The following PAPPA variants were observed in gnomAD, a reference collection of about 807,000 sequenced individuals.
PAPPA encodes pappalysin-1.
Under a neutral mutation model 164.0 loss-of-function variants are expected in PAPPA, and 60 were observed. The observed-to-expected ratio is 0.37, with a 90% CI of 0.30 to 0.45. The LOEUF (loss-of-function observed/expected upper bound fraction) is 0.45. Among genes scored for constraint, PAPPA ranks in the 20% least tolerant of loss-of-function variants. The probability of loss-of-function intolerance (pLI) is 1.00; values close to 1 mark genes in which losing one functional copy is unlikely to be tolerated. For missense variants in PAPPA, 1,782 were observed against 2,087.3 expected (o/e 0.85, Z 2.85); for synonymous variants, 875 against 814.1 (o/e 1.07, Z -1.27).
At chr9:116,203,802 G>T (rs1446343649) in intron 2 of PAPPA, among the ~76,000 whole-genome samples, 1 of 152,108 alleles carries the variant, frequency 6.6e-6, no homozygotes, top group Non-Finnish European at 1.5e-5. Flanking sequence ...GCTGGACTTT[G>T]CAGGGTTCAT....
intron 1 of PAPPA, among the ~76,000 whole-genome samples, chr9:116,183,518 G>A (rs140389275): frequency 6.6e-6 from 1 of 152,242 alleles, no homozygotes; most frequent in African/African-American, 2.4e-5. Flanking sequence ...TGAGCTGGTG[G>A]TACAACGATG....
At chr9:116,357,897 G>A (rs113971796) in intron 17 of PAPPA, among the ~76,000 whole-genome samples, 72 of 152,236 alleles carry the variant, frequency 4.7e-4, no homozygotes, top group African/African-American at 1.3e-3. Flanking sequence ...GAAAGGGAGC[G>A]GTGGAATCTT....
intron 7 of PAPPA, among the ~76,000 whole-genome samples, chr9:116,255,344 T>A (rs1844915376): frequency 6.6e-6 from 1 of 151,996 alleles, no homozygotes; most frequent in Non-Finnish European, 1.5e-5. Context: ...AACTAAAAAA[T>A]TCAAATAATT....
rs150328536 is a variant in PAPPA at position 116,292,950 on chromosome 9, G to A, written c.2954-9807G>A. Among the ~76,000 whole-genome samples, 45 of 152,260 alleles carry A rather than the reference G, an allele frequency of 3.0e-4. No homozygotes were observed. In the East Asian group the frequency reaches 7.0e-3, roughly 24 times the overall value. On this transcript the variant is annotated intron_variant, in intron 9 of 21. Coordinates refer to ENST00000328252, the MANE Select transcript of PAPPA (RefSeq NM_002581.5). Reference sequence around the variant, plus strand: ...ACATGATGTCATGGAAGTCAAGAGAGGGAGGACTGCAAGAAGACAGGAGGG... The same window carrying A: ...ACATGATGTCATGGAAGTCAAGAGAAGGAGGACTGCAAGAAGACAGGAGGG...
intron 20 of PAPPA, among the ~76,000 whole-genome samples, chr9:116,379,378 T>C (rs12001729): frequency 0.041 from 6,229 of 152,290 alleles, 366 homozygotes; most frequent in South Asian, 0.17. Context: ...TTCTGCACCA[T>C]GCTGGGTCCA....
At chr9:116,338,147 T>G (rs1449610421) in intron 13 of PAPPA, among the ~76,000 whole-genome samples, 1 of 152,126 alleles carries the variant, frequency 6.6e-6, no homozygotes, top group African/African-American at 2.4e-5. Context: ...AACAGTTTAT[T>G]ATAAAATTGA....
Position 116,220,071 on chromosome 9 carries a change from A to C in PAPPA, c.2053A>C (p.Thr685Pro), listed in dbSNP as rs762947931. ...VALAPQVLGH[T>P]TDSVTLEWFP... ...CCTCGCCCCCCAAGTTCTGGGCCAC[A>C]CAACGGACTCTGTGACACTGGAGTG... The change falls in exon 5 of 22, where the codon ACA (threonine) becomes CCA (proline). Residue 685 changes from threonine (T) to proline (P), a missense_variant. Physicochemically the swap from Thr to Pro is conservative, Grantham distance 38 (BLOSUM62 -1). Coordinates refer to ENST00000328252, the MANE Select transcript of PAPPA (RefSeq NM_002581.5). 1 of 1,614,152 alleles carries C rather than the reference A, an allele frequency of 6.2e-7. No homozygotes were observed. The highest frequency in any genetic ancestry group is 8.5e-7 in the Non-Finnish European group (1 of 1,180,026).
chr9:116,352,373 C>T (rs906103021), intron 15 of PAPPA, among the ~76,000 whole-genome samples: 4 of 152,152 alleles, frequency 2.6e-5, no homozygotes, highest in Non-Finnish European at 5.9e-5. Flanking sequence ...TCTCTGTGCT[C>T]AGATGCCCAT....
intron 9 of PAPPA, among the ~76,000 whole-genome samples, chr9:116,299,790 A>G (rs1845557078): frequency 6.6e-6 from 1 of 151,964 alleles, no homozygotes; most frequent in African/African-American, 2.4e-5. Context: ...ACAGTTTTCC[A>G]TTAGATAAAA....
Position 116,289,312 on chromosome 9 carries a change from T to TA in PAPPA, c.2954-13445_2954-13444insA, listed in dbSNP as rs1564212340. Among the ~76,000 whole-genome samples, 626 of 144,654 alleles carry TA rather than the reference T, an allele frequency of 4.3e-3. 20 individuals carry two copies. The highest frequency in any genetic ancestry group is 0.015 in the African/African-American group (587 of 39,678). 94.9% of individuals were successfully genotyped at this position (144,654 alleles called of 152,430 possible). A position where few individuals can be genotyped will look rare whatever the true frequency, so the allele number is the denominator to read the frequency against. On this transcript the variant is annotated intron_variant, in intron 9 of 21. Coordinates refer to ENST00000328252, the MANE Select transcript of PAPPA (RefSeq NM_002581.5). ...AAATAGCATATATATAGCATATATA[T>TA]GGCATATATATGGCATATATATAGC...
chr9:116,364,604 C>A (rs979507585), intron 18 of PAPPA, among the ~76,000 whole-genome samples: 1 of 152,212 alleles, frequency 6.6e-6, no homozygotes, highest in African/African-American at 2.4e-5. Flanking sequence ...AACACAAACA[C>A]ATTTTATGTC....
intron 10 of PAPPA, among the ~76,000 whole-genome samples, chr9:116,325,893 T>C (rs1198970231): frequency 1.3e-5 from 2 of 152,224 alleles, no homozygotes; most frequent in Non-Finnish European, 2.9e-5. Context: ...TGCTCCTTAT[T>C]GGCTGTATAT....
chr9:116,257,528 C>T (rs1230361399), intron 7 of PAPPA, among the ~76,000 whole-genome samples: 3 of 151,800 alleles, frequency 2.0e-5, no homozygotes, highest in African/African-American at 4.8e-5. Flanking sequence ...GGTGAAACCC[C>T]GTCTCTATTA....
rs983001606 is a variant in PAPPA, at chr9:116,211,273, G to A, written c.1625-366G>A. Among the ~76,000 whole-genome samples the A allele has an allele frequency of 6.4e-4, 98 of 152,344 alleles. 1 individual carries two copies. Among genetic ancestry groups the A allele is most frequent in the African/African-American group, 2.3e-3 (95 of 41,574 alleles). The stretch of plus-strand genomic sequence containing the variant: ...GTAGAATATTTGGAAATAAGAGTAG[G>A]CCTTACTTTGTAAGGGAAAGGTTGC... On this transcript the variant is annotated intron_variant, in intron 3 of 21. Transcript: ENST00000328252.
At chr9:116,168,715 T>G (rs1468795724) in intron 1 of PAPPA, among the ~76,000 whole-genome samples, 1 of 152,216 alleles carries the variant, frequency 6.6e-6, no homozygotes, top group Non-Finnish European at 1.5e-5. Flanking sequence ...CTGTAGATAC[T>G]TACCCAGAGT....
At chr9:116,394,419 G>T (rs1198307934) in intron 21 of PAPPA, among the ~76,000 whole-genome samples, 1 of 152,128 alleles carries the variant, frequency 6.6e-6, no homozygotes, top group Non-Finnish European at 1.5e-5. Flanking sequence ...ACAGTGGAGG[G>T]ATTTTCCCAA....
chr9:116,323,039 T>C (rs1385483444), intron 10 of PAPPA, among the ~76,000 whole-genome samples: 1 of 152,186 alleles, frequency 6.6e-6, no homozygotes, highest in Non-Finnish European at 1.5e-5. Context: ...AATGGAAACC[T>C]CATGGCATGT....
chr9:116,264,926 T>A (rs1845049430), intron 7 of PAPPA, among the ~76,000 whole-genome samples: 1 of 152,074 alleles, frequency 6.6e-6, no homozygotes, highest in Non-Finnish European at 1.5e-5. Context: ...TTTGGTGGTG[T>A]GTTTGTGAGG....
intron 9 of PAPPA, among the ~76,000 whole-genome samples, chr9:116,274,981 C>T (rs1845179832): frequency 6.6e-6 from 1 of 152,186 alleles, no homozygotes; most frequent in Non-Finnish European, 1.5e-5. Context: ...CCAGGGAAGG[C>T]ATCTAGCATC....
Sources: gnomAD v4.1 joint callset for allele counts (sites outside exome capture counted in the v4.1 genomes callset) on GRCh38, gnomAD v4.1.1 for gene constraint, MANE v1.5 for transcripts, NCBI Gene and HGNC (gene_info 2026-07-23, HGNC 2026-07-21) for gene names.